Variants in HCN1 observed in about 807,000 individuals in gnomAD.
The protein encoded by HCN1 is potassium/sodium hyperpolarization-activated cyclic nucleotide-gated channel 1.
A neutral mutation model predicts 78.9 loss-of-function variants in HCN1; 13 were observed. The observed-to-expected ratio is 0.16, with a 90% confidence interval of 0.11 to 0.26. HCN1 has a LOEUF of 0.26. HCN1 is among the 10% of genes least tolerant of loss of function. HCN1 has a pLI of 1.00. For synonymous variants in HCN1, 552 were observed against 455.5 expected, an observed-to-expected ratio of 1.21 and a Z score of -2.70; for missense variants, 810 against 1,154.3, an observed-to-expected ratio of 0.70 and a Z score of 4.32.
chr5:45,638,863 A>ACTAC, intron 2 of HCN1, among the ~76,000 whole-genome samples: 2 of 152,262 alleles, frequency 1.3e-5, no homozygotes, highest in Middle Eastern at 3.4e-3. Context: ...GATGGAACCA[A>ACTAC]CTACCCTCCA....
chr5:45,364,694 T>C (rs1319643563), intron 4 of HCN1, among the ~76,000 whole-genome samples: 1 of 152,142 alleles, frequency 6.6e-6, no homozygotes, highest in Non-Finnish European at 1.5e-5. Context: ...TGGGAGTTAA[T>C]TTTTAATGCC....
At chr5:45,416,248 G>A (rs1315238358) in intron 3 of HCN1, among the ~76,000 whole-genome samples, 2 of 151,846 alleles carry the variant, frequency 1.3e-5, no homozygotes, top group African/African-American at 4.8e-5. Context: ...TCACTGGCTA[G>A]TTTTCATACG....
intron 2 of HCN1, among the ~76,000 whole-genome samples, chr5:45,475,503 C>A (rs1380627203): frequency 1.3e-5 from 2 of 151,974 alleles, no homozygotes; most frequent in East Asian, 3.9e-4. Context: ...TTGACTGTGC[C>A]AAAATTGACT....
intron 4 of HCN1, among the ~76,000 whole-genome samples, chr5:45,375,216 A>G (rs1251956812): frequency 1.7e-5 from 2 of 116,970 alleles, no homozygotes; most frequent in African/African-American, 6.9e-5. Flanking sequence ...TATAATATAT[A>G]ATATAATATT....
intron 2 of HCN1, among the ~76,000 whole-genome samples, chr5:45,607,084 T>C (rs1314201780): frequency 6.6e-6 from 1 of 151,844 alleles, no homozygotes; most frequent in East Asian, 1.9e-4. Context: ...TGAACACTGT[T>C]ATGCCTTCAA....
intron 1 of HCN1, among the ~76,000 whole-genome samples, chr5:45,684,192 G>A (rs1410552809): frequency 2.6e-5 from 4 of 152,108 alleles, no homozygotes; most frequent in African/African-American, 7.2e-5. Flanking sequence ...AGGGTCAATA[G>A]CTTTAATGTG....
intron 3 of HCN1, among the ~76,000 whole-genome samples, chr5:45,452,535 T>G (rs1250830751): frequency 1.3e-5 from 2 of 151,700 alleles, no homozygotes; most frequent in Non-Finnish European, 2.9e-5. Context: ...CAATAGGTAG[T>G]TTTCCTATCC....
chr5:45,331,175 CT>C (rs1387330945), intron 5 of HCN1, among the ~76,000 whole-genome samples: 9 of 151,096 alleles, frequency 6.0e-5, no homozygotes, highest in Non-Finnish European at 1.3e-4. Context: ...TAGAATTCAA[CT>C]TAGGAGATGA....
At chr5:45,464,495 T>C (rs191821664) in intron 2 of HCN1, among the ~76,000 whole-genome samples, 134 of 152,248 alleles carry the variant, frequency 8.8e-4, no homozygotes, top group African/African-American at 2.6e-3. Context: ...ATTAATATTA[T>C]GTGTTCAAAA....
intron 1 of HCN1, among the ~76,000 whole-genome samples, chr5:45,647,486 G>A (rs1745572348): frequency 6.6e-6 from 1 of 152,024 alleles, no homozygotes; most frequent in Non-Finnish European, 1.5e-5. Flanking sequence ...GTTCCCCTGG[G>A]TGTCACACAT....
intron 2 of HCN1, among the ~76,000 whole-genome samples, chr5:45,640,577 CTTT>C (rs1319334376): frequency 1.1e-4 from 15 of 138,562 alleles, no homozygotes; most frequent in Non-Finnish European, 7.9e-5. Flanking sequence ...AAGTCTGATT[CTTT>C]TTTTTTTTTT....
chr5:45,500,930 A>C (rs1742174515), intron 2 of HCN1, among the ~76,000 whole-genome samples: 1 of 152,232 alleles, frequency 6.6e-6, no homozygotes, highest in Admixed American at 6.5e-5. Context: ...AACAAAATTC[A>C]CATCAACAAA....
At chr5:45,672,982 A>G (rs1315208522) in intron 1 of HCN1, among the ~76,000 whole-genome samples, 1 of 151,358 alleles carries the variant, frequency 6.6e-6, no homozygotes, top group Non-Finnish European at 1.5e-5. Context: ...CTTTATTCAC[A>G]TGTTTGTACT....
chr5:45,314,446 T>A (rs527657908), intron 5 of HCN1, among the ~76,000 whole-genome samples: 1 of 152,266 alleles, frequency 6.6e-6, no homozygotes, highest in East Asian at 1.9e-4. Flanking sequence ...AGGAAGAAAC[T>A]GCATCAACTA....
chr5:45,427,766 C>T (rs1740381133), intron 3 of HCN1, among the ~76,000 whole-genome samples: 1 of 152,016 alleles, frequency 6.6e-6, no homozygotes, highest in South Asian at 2.1e-4. Flanking sequence ...AACATTTTTA[C>T]ATTAAAACAA....
intron 5 of HCN1, among the ~76,000 whole-genome samples, chr5:45,323,841 T>G (rs1746177379): frequency 6.6e-6 from 1 of 152,028 alleles, no homozygotes; most frequent in Non-Finnish European, 1.5e-5. Context: ...TGTGATAGAT[T>G]GCTGAGAATG....
intron 2 of HCN1, among the ~76,000 whole-genome samples, chr5:45,477,907 T>C (rs1171138411): frequency 6.6e-6 from 1 of 152,196 alleles, no homozygotes; most frequent in Non-Finnish European, 1.5e-5. Flanking sequence ...TAACTTGGAA[T>C]ATATTATTCT....
chr5:45,582,037 G>A (rs1461025262), intron 2 of HCN1, among the ~76,000 whole-genome samples: 1 of 152,202 alleles, frequency 6.6e-6, no homozygotes, highest in East Asian at 1.9e-4. Flanking sequence ...CTTTAAAGTA[G>A]GTTTTTCCAA....
intron 1 of HCN1, among the ~76,000 whole-genome samples, chr5:45,680,263 T>C (rs1025944970): frequency 3.9e-5 from 6 of 152,154 alleles, no homozygotes; most frequent in African/African-American, 1.4e-4. Context: ...AAAACAAGCC[T>C]GAAAATGCTT....
Sources: allele counts gnomAD v4.1 joint callset (sites outside exome capture counted in the v4.1 genomes callset), GRCh38; gene constraint gnomAD v4.1.1; transcripts MANE v1.5; gene names NCBI Gene and HGNC (gene_info 2026-07-23, HGNC 2026-07-21).